PRKCE: variants seen among roughly 807,000 people sequenced by gnomAD.
PRKCE encodes protein kinase C epsilon, also known as protein kinase C epsilon type.
PRKCE carries 16 observed loss-of-function variants against 85.4 expected under a neutral mutation model. The ratio of observed to expected loss-of-function variants is 0.19; its 90% CI spans 0.13 to 0.28. The LOEUF is 0.28. Ranked by LOEUF, PRKCE falls within the 10% of genes least tolerant of loss-of-function variation. PRKCE has a pLI of 1.00. For missense variants in PRKCE, 573 were observed against 975.2 expected (o/e 0.59, Z 5.49); for synonymous variants, 388 against 371.5 (o/e 1.04, Z -0.51).
rs563028533 is a variant in PRKCE, at chr2:45,714,872, A to G, written c.348+62424A>G. ...CTGAGGCATTGGCCACTGGCCTGAG[A>G]GTATTAGTCACTTTCATGAATGTGG... On this transcript the variant is annotated intron_variant, in intron 1 of 14. Transcript: ENST00000306156. Among the ~76,000 whole-genome samples, 5 of 152,260 alleles carry G rather than the reference A, an allele frequency of 3.3e-5. No individual in the cohort carries two copies. In the East Asian group the frequency reaches 7.7e-4, roughly 24 times the overall value.
At chr2:46,124,001 G>A (rs1673604146) in intron 11 of PRKCE, among the ~76,000 whole-genome samples, 1 of 152,188 alleles carries the variant, frequency 6.6e-6, no homozygotes, top group East Asian at 1.9e-4. Flanking sequence ...ATCCTGGGTT[G>A]AAAAGTGATT....
At chr2:45,909,502 A>G (rs917174246) in intron 2 of PRKCE, among the ~76,000 whole-genome samples, 1 of 152,248 alleles carries the variant, frequency 6.6e-6, no homozygotes, top group Non-Finnish European at 1.5e-5. Flanking sequence ...CTGAAATGAT[A>G]TTGGTTGTAT....
chr2:46,091,202 A>G lies in PRKCE; in HGVS notation c.1592+4840A>G, dbSNP rs528067682. Among the ~76,000 whole-genome samples the G allele has an allele frequency of 1.6e-4, 24 of 152,260 alleles. No individual in the cohort carries two copies. In the South Asian group the frequency reaches 4.8e-3, roughly 30 times the overall value. On this transcript the variant is annotated intron_variant, in intron 11 of 14. Coordinates refer to ENST00000306156, the MANE Select transcript of PRKCE (RefSeq NM_005400.3). ...TTGTGCTGTAGTAGAAGAATGCATT[A>G]GATCACCTGTTTCCACTTTTCCTAA...
chr2:45,900,351 G>T (rs1239516215), intron 2 of PRKCE, among the ~76,000 whole-genome samples: 1 of 152,166 alleles, frequency 6.6e-6, no homozygotes, highest in Admixed American at 6.5e-5. Flanking sequence ...ATAGCCAAAA[G>T]GTGGAAACAA....
At chr2:45,933,464 CTTT>C (rs59991455) in intron 2 of PRKCE, among the ~76,000 whole-genome samples, 1 of 65,346 alleles carries the variant, frequency 1.5e-5, no homozygotes, top group Non-Finnish European at 3.0e-5. Context: ...CATATGCCTG[CTTT>C]TTTTTTTTTT....
At chr2:45,825,367 GC>G (rs1328132609) in intron 1 of PRKCE, among the ~76,000 whole-genome samples, 2 of 152,248 alleles carry the variant, frequency 1.3e-5, no homozygotes, top group African/African-American at 4.8e-5. Context: ...GAATTTCGGA[GC>G]TAAGGTGTTT....
chr2:45,869,706 C>CTTTTTT (rs71394860), intron 2 of PRKCE, among the ~76,000 whole-genome samples: 31 of 109,300 alleles, frequency 2.8e-4, no homozygotes, highest in East Asian at 6.5e-4. Context: ...TTCTCTCTCT[C>CTTTTTT]TTTTTTTTTT....
At chr2:46,028,073 C>G (rs1177175233) in intron 10 of PRKCE, among the ~76,000 whole-genome samples, 1 of 152,056 alleles carries the variant, frequency 6.6e-6, no homozygotes, top group Non-Finnish European at 1.5e-5. Context: ...TCCCGAGTAG[C>G]TGGGATTACA....
intron 1 of PRKCE, among the ~76,000 whole-genome samples, chr2:45,706,838 T>C (rs1374422022): frequency 1.3e-5 from 2 of 152,196 alleles, no homozygotes; most frequent in Non-Finnish European, 2.9e-5. Flanking sequence ...GAACTGTGTC[T>C]TTTAGTTACC....
At chr2:45,977,438 A>G (rs762752436) in intron 3 of PRKCE, among the ~76,000 whole-genome samples, 1 of 151,922 alleles carries the variant, frequency 6.6e-6, no homozygotes. Context: ...GGAGTTTGAA[A>G]CCAGCCTGGT....
intron 1 of PRKCE, among the ~76,000 whole-genome samples, chr2:45,812,270 G>T (rs1270313617): frequency 6.6e-6 from 1 of 152,232 alleles, no homozygotes; most frequent in Non-Finnish European, 1.5e-5. Flanking sequence ...TCAAATGTAA[G>T]GGATTATTAT....
At chr2:46,080,032 G>C (rs889775164) in intron 10 of PRKCE, among the ~76,000 whole-genome samples, 16 of 152,176 alleles carry the variant, frequency 1.1e-4, no homozygotes, top group Non-Finnish European at 2.2e-4. Context: ...GTGGAATAAG[G>C]CTTTTAAAAT....
intron 2 of PRKCE, among the ~76,000 whole-genome samples, chr2:45,906,087 A>G (rs1188462981): frequency 1.3e-5 from 2 of 152,270 alleles, no homozygotes; most frequent in African/African-American, 4.8e-5. Flanking sequence ...GTAGACCCAG[A>G]TGCAGCGGCT....
intron 6 of PRKCE, among the ~76,000 whole-genome samples, chr2:45,988,863 C>A (rs964523028): frequency 3.9e-5 from 6 of 152,204 alleles, no homozygotes; most frequent in African/African-American, 1.4e-4. Flanking sequence ...ATCTCAGGTT[C>A]ACTGGCACCA....
intron 11 of PRKCE, among the ~76,000 whole-genome samples, chr2:46,100,747 T>G (rs969317330): frequency 6.6e-6 from 1 of 152,186 alleles, no homozygotes; most frequent in African/African-American, 2.4e-5. Flanking sequence ...AGACAACGAG[T>G]AAGTCATTTT....
chr2:45,658,434 C>G (rs1233267579), intron 1 of PRKCE, among the ~76,000 whole-genome samples: 2 of 152,180 alleles, frequency 1.3e-5, no homozygotes, highest in African/African-American at 4.8e-5. Context: ...TGACCAGCAG[C>G]AGATTTAGTG....
At chr2:46,015,715 G>A (rs7576199) in intron 10 of PRKCE, among the ~76,000 whole-genome samples, 118,886 of 139,436 alleles carry the variant, frequency 0.85, 51,060 homozygotes, top group African/African-American at 0.96. Context: ...AAAAAAAAAC[G>A]AAGTAAAAAT....
chr2:46,132,677 C>T (rs1674579697), intron 11 of PRKCE, among the ~76,000 whole-genome samples: 1 of 152,216 alleles, frequency 6.6e-6, no homozygotes, highest in Non-Finnish European at 1.5e-5. Context: ...TGTACCCCTT[C>T]TTATTGGCAT....
rs140510924 is a variant in PRKCE, at chr2:46,162,021, C to T, written c.2067+2269C>T. ...GAAAGGAAGAGAGGGAAGGACAAAC[C>T]GGGAGGGAGGCAGGCACGTGACTTA... On this transcript the variant is annotated intron_variant, in intron 14 of 14. Transcript: ENST00000306156. 2.1e-3 allele frequency among the ~76,000 whole-genome samples: 322 copies of T among 152,160 alleles called. No homozygotes were observed. In the Middle Eastern group the frequency reaches 0.027, roughly 13 times the overall value.
Sources: allele counts gnomAD v4.1 joint callset (sites outside exome capture counted in the v4.1 genomes callset), GRCh38; gene constraint gnomAD v4.1.1; transcripts MANE v1.5; gene names NCBI Gene and HGNC (gene_info 2026-07-23, HGNC 2026-07-21).